TENM1: variants seen among roughly 807,000 people sequenced by gnomAD.
TENM1 encodes teneurin transmembrane protein 1.
Under a neutral mutation model 174.8 loss-of-function variants are expected in TENM1, and 35 were observed. The ratio of observed to expected loss-of-function variants is 0.20; its 90% confidence interval spans 0.15 to 0.27. The LOEUF (loss-of-function observed/expected upper bound fraction) is 0.27. Ranked by LOEUF, TENM1 falls within the 10% of genes least tolerant of loss-of-function variation. The probability of loss-of-function intolerance (pLI) is 1.00; values close to 1 mark genes in which losing one functional copy is unlikely to be tolerated. For synonymous variants in TENM1, 781 were observed against 798.7 expected, an observed-to-expected ratio of 0.98 and a Z score of 0.37; for missense variants, 1,633 against 2,130.1, an observed-to-expected ratio of 0.77 and a Z score of 4.59.
chrX:124,590,967 C>T (rs1380414420), intron 11 of TENM1, among the ~76,000 whole-genome samples: 1 of 112,192 alleles, frequency 8.9e-6, no homozygotes, highest in Non-Finnish European at 1.9e-5. Flanking sequence ...GAATTGGACC[C>T]TTTATCATTA....
chrX:125,027,168 A>C, the TENM1 span, among the ~76,000 whole-genome samples: 31 of 112,421 alleles, frequency 2.8e-4, no homozygotes, highest in Non-Finnish European at 5.3e-4. Context: ...AGAAAAATCC[A>C]AGTGAGTACA....
chrX:124,860,835 A>C (rs1349662798), intron 3 of TENM1, among the ~76,000 whole-genome samples: 1 of 111,924 alleles, frequency 8.9e-6, no homozygotes, highest in Non-Finnish European at 1.9e-5. Context: ...TTTTTATAAA[A>C]TTATGATTCT....
At chrX:124,823,836 T>G in intron 3 of TENM1, among the ~76,000 whole-genome samples, 1 of 111,760 alleles carries the variant, frequency 8.9e-6, no homozygotes, top group Non-Finnish European at 1.9e-5. Context: ...TAAGCAATCA[T>G]AATCATAACA....
chrX:125,103,356 T>C, the TENM1 span, among the ~76,000 whole-genome samples: 1 of 111,570 alleles, frequency 9.0e-6, no homozygotes, highest in Non-Finnish European at 1.9e-5. Flanking sequence ...TTGTCTCATT[T>C]TGTTTTCATT....
rs1466120043 is a variant in TENM1 at position 124,956,028 on chromosome X, T to TTATA, written c.217+7505_217+7508dup. On this transcript the variant is annotated intron_variant, in intron 1 of 31. Transcript: ENST00000422452. ...AATGGGTATAATAATGATCCCAACC[T>TTATA]TATAGCATTGCTGGGAAGATTAAAT... Among the ~76,000 whole-genome samples, 17 of 111,777 alleles carry TTATA rather than the reference T, an allele frequency of 1.5e-4. No homozygotes were observed. In the Admixed American group the frequency reaches 1.6e-3, roughly 11 times the overall value.
At chrX:124,822,381 C>G (rs1016350662) in intron 3 of TENM1, among the ~76,000 whole-genome samples, 4 of 111,970 alleles carry the variant, frequency 3.6e-5, no homozygotes, top group African/African-American at 1.3e-4. Flanking sequence ...GCTTTTTACT[C>G]TAACAAATGT....
At chrX:125,188,940 C>T in the TENM1 span, among the ~76,000 whole-genome samples, 1 of 112,326 alleles carries the variant, frequency 8.9e-6, no homozygotes, top group Non-Finnish European at 1.9e-5. Context: ...TAGATCCAGA[C>T]TACAAAAAAT....
At chrX:124,584,260 A>C (rs1410626568) in intron 11 of TENM1, among the ~76,000 whole-genome samples, 1 of 109,557 alleles carries the variant, frequency 9.1e-6, no homozygotes, top group Non-Finnish European at 1.9e-5. Flanking sequence ...GAAATGAAGG[A>C]AAAAATGTTA....
intron 22 of TENM1, among the ~76,000 whole-genome samples, chrX:124,465,901 A>G (rs1371583549): frequency 9.0e-6 from 1 of 111,389 alleles, no homozygotes; most frequent in Non-Finnish European, 1.9e-5. Flanking sequence ...TATGATTTCC[A>G]AATTTGTTGC....
rs781674478 is a variant in TENM1 at position 124,758,310 on chromosome X, C to T, written c.536-21113G>A. ...GATACTCAATGTCACTAATCATCAG[C>T]GTAATGCAAATCAAAACCACCAGGA... is the stretch of plus-strand genomic sequence containing the variant. On this transcript the variant is annotated intron_variant, in intron 3 of 31. Transcript: ENST00000422452. Among the ~76,000 whole-genome samples the T allele has an allele frequency of 7.2e-5, 8 of 111,500 alleles. No individual in the cohort carries two copies. The South Asian group carries it at 1.5e-3, about 21-fold the overall frequency.
At chrX:124,889,547 A>G (rs749770057) in intron 3 of TENM1, among the ~76,000 whole-genome samples, 129 of 110,998 alleles carry the variant, frequency 1.2e-3, no homozygotes, top group African/African-American at 4.1e-3. Flanking sequence ...AAGGGACTGC[A>G]ACAAGTCCCT....
chrX:124,780,403 C>A (rs1350466552), intron 3 of TENM1, among the ~76,000 whole-genome samples: 1 of 112,048 alleles, frequency 8.9e-6, no homozygotes, highest in East Asian at 2.8e-4. Context: ...TTTGTTGCCT[C>A]AATCTGATTT....
At chrX:124,600,066 A>G (rs1281550924) in intron 11 of TENM1, among the ~76,000 whole-genome samples, 1 of 110,151 alleles carries the variant, frequency 9.1e-6, no homozygotes, top group Non-Finnish European at 1.9e-5. Context: ...ATGTATGTGT[A>G]TATTTCCTAC....
chrX:125,063,435 A>C, the TENM1 span, among the ~76,000 whole-genome samples: 1 of 111,817 alleles, frequency 8.9e-6, no homozygotes, highest in Non-Finnish European at 1.9e-5. Flanking sequence ...TAATATCCAG[A>C]ATCTACAATG....
chrX:125,193,233 G>T, the TENM1 span, among the ~76,000 whole-genome samples: 1 of 111,560 alleles, frequency 9.0e-6, no homozygotes, highest in Non-Finnish European at 1.9e-5. Context: ...TCAACTTTCT[G>T]TATCCATGAG....
intron 23 of TENM1, among the ~76,000 whole-genome samples, chrX:124,448,306 G>C (rs1290661981): frequency 2.7e-5 from 3 of 111,249 alleles, no homozygotes; most frequent in African/African-American, 9.8e-5. Flanking sequence ...TTGGAAAACA[G>C]CTTAATTTTT....
the TENM1 span, among the ~76,000 whole-genome samples, chrX:125,143,758 T>G: frequency 8.9e-6 from 1 of 112,114 alleles, no homozygotes; most frequent in African/African-American, 3.2e-5. Context: ...TCTACCTTTA[T>G]GTTATCTAAA....
intron 3 of TENM1, among the ~76,000 whole-genome samples, chrX:124,773,514 G>A (rs2054709586): frequency 9.0e-6 from 1 of 110,575 alleles, no homozygotes; most frequent in Non-Finnish European, 1.9e-5. Context: ...GGAAACAAAA[G>A]CAAAAACAAA....
intron 3 of TENM1, among the ~76,000 whole-genome samples, chrX:124,854,841 G>T (rs1014913323): frequency 9.0e-5 from 10 of 111,656 alleles, no homozygotes; most frequent in Admixed American, 7.6e-4. Context: ...CTTACTCCAG[G>T]CAAGTAGGAA....
Sources: gnomAD v4.1 joint callset for allele counts (sites outside exome capture counted in the v4.1 genomes callset) on GRCh38, gnomAD v4.1.1 for gene constraint, MANE v1.5 for transcripts, NCBI Gene and HGNC (gene_info 2026-07-23, HGNC 2026-07-21) for gene names.